Variants in CRBN observed in about 807,000 individuals in gnomAD.
CRBN encodes the protein protein cereblon.
Under a neutral mutation model 62.2 loss-of-function variants are expected in CRBN, and 53 were observed. The ratio of observed to expected loss-of-function variants is 0.85; its 90% confidence interval spans 0.68 to 1.07. The LOEUF (loss-of-function observed/expected upper bound fraction) is 1.07. CRBN is among the 50% of genes least tolerant of loss of function. The pLI is 0.00. For missense variants in CRBN, 616 were observed against 531.1 expected (o/e 1.16, Z -1.57); for synonymous variants, 208 against 176.1 (o/e 1.18, Z -1.43).
intron 5 of CRBN, 30 bp downstream of exon 5, chr3:3,167,604 T>G: frequency 6.2e-7 from 1 of 1,602,764 alleles, no homozygotes; most frequent in Non-Finnish European, 8.5e-7. Flanking sequence ...TCTTCATTTT[T>G]TGAAGATGCA....
rs145695200 is a variant in CRBN at position 3,174,088 on chromosome 3, T to C, written c.348A>G (p.Lys116=). The C allele has an allele frequency of 1.2e-6, 2 of 1,614,166 alleles. No homozygotes were observed. Among genetic ancestry groups the C allele is most frequent in the African/African-American group, 1.3e-5 (1 of 75,050 alleles). ...EVSMVRNLIQ[K]DRTFAVLAYS... ...ATGCAAGAACAGCAAAGGTTCTATC[T>C]TTCTGAATTAAATTCCGCACCATAC... Residue 116 remains lysine (K), a synonymous_variant, in exon 3 of 11, where the codon AAA becomes AAG. Transcript: ENST00000231948.
rs555928679 is a variant in CRBN at position 3,156,045 on chromosome 3, C to T, written c.750+174G>A. The T allele has an allele frequency of 7.0e-5, 43 of 610,142 alleles. 1 individual carries two copies. In the South Asian group the frequency reaches 7.5e-4, roughly 11 times the overall value. 37.8% of individuals were successfully genotyped at this position (610,142 alleles called of 1,614,324 possible). ...TCTTGAATGCCTGGCTTCAAGCAAT[C>T]CCCCTGCCTTGGCCTCCCAAAGTGC... On this transcript the variant is annotated intron_variant, in intron 6 of 10. Transcript: ENST00000231948.
At position 3,152,539 on chromosome 3, in the gene CRBN, A is replaced by G. The variant is rs1486415725; in HGVS notation, c.1065T>C (p.Tyr355=). The G allele has an allele frequency of 1.2e-6, 2 of 1,614,136 alleles. No individual in the cohort carries two copies. Among genetic ancestry groups the G allele is most frequent in the Non-Finnish European group, 1.7e-6 (2 of 1,180,002 alleles). ...TATACACAGTAAGTGTCTCATGCAC[A>G]TATCCATGAGGATTCACATAAGCTG... The part of the protein sequence containing the change: ...PMAAYVNPHG[Y]VHETLTVYKA... Residue 355 remains tyrosine, a synonymous_variant, in exon 10 of 11, where the codon TAT becomes TAC. Coordinates refer to ENST00000231948, the MANE Select transcript of CRBN (RefSeq NM_016302.4).
At position 3,150,336 on chromosome 3, in the gene CRBN, TAAAG is replaced by T. The variant is rs989929414; in HGVS notation, c.*525_*528del. The T allele has an allele frequency of 2.0e-5, 3 of 152,328 alleles. No homozygotes were observed. Among genetic ancestry groups the T allele is most frequent in the Non-Finnish European group, 2.9e-5 (2 of 68,190 alleles). 9.4% of individuals were successfully genotyped at this position (152,328 alleles called of 1,614,324 possible). ...TTACAAATCAGTATCTCAGAGAAGTTAAAGAAAATGGAAAGGAACAAAGCCCTTT... is the reference window on the plus strand; with the variant it reads ...TTACAAATCAGTATCTCAGAGAAGTTAAAATGGAAAGGAACAAAGCCCTTT... On this transcript the variant is annotated 3_prime_UTR_variant, in exon 11 of 11. Coordinates refer to ENST00000231948, the MANE Select transcript of CRBN (RefSeq NM_016302.4).
intron 5 of CRBN, among the ~76,000 whole-genome samples, chr3:3,162,807 A>G (rs1028716270): frequency 1.3e-5 from 2 of 152,230 alleles, no homozygotes; most frequent in Admixed American, 6.5e-5. Context: ...TCAGACACAG[A>G]GACAGAAGAC....
intron 5 of CRBN, among the ~76,000 whole-genome samples, chr3:3,157,217 CATCA>C (rs1559245505): frequency 6.6e-6 from 1 of 152,162 alleles, no homozygotes; most frequent in Non-Finnish European, 1.5e-5. Flanking sequence ...ACAACCTAAA[CATCA>C]ATCAAAAATA....
chr3:3,152,169 TAGAC>T (rs1218900023), intron 10 of CRBN, among the ~76,000 whole-genome samples: 130 of 108,860 alleles, frequency 1.2e-3, no homozygotes, highest in Admixed American at 2.0e-3. Context: ...TTTTTTTAAA[TAGAC>T]AGATTCTCAC....
chr3:3,176,989 G>A (rs1707848770), intron 1 of CRBN, among the ~76,000 whole-genome samples: 1 of 152,124 alleles, frequency 6.6e-6, no homozygotes, highest in African/African-American at 2.4e-5. Context: ...CTCAACCACA[G>A]GTGATTTTGC....
chr3:3,151,162 G>GTTGA, intron 10 of CRBN, 117 bp from the exon 11 acceptor site: 1 of 1,105,986 alleles, frequency 9.0e-7, no homozygotes, highest in Non-Finnish European at 1.3e-6. Flanking sequence ...GAGATTCTAA[G>GTTGA]TTGAGATTTG....
intron 4 of CRBN, among the ~76,000 whole-genome samples, chr3:3,169,936 C>G (rs711614): frequency 0.47 from 71,276 of 151,516 alleles, 18,852 homozygotes; most frequent in Middle Eastern, 0.65. Context: ...GCCCACCCCC[C>G]CTCCGCCCTC....
intron 5 of CRBN, among the ~76,000 whole-genome samples, chr3:3,162,443 A>G (rs1251176472): frequency 8.5e-5 from 13 of 152,178 alleles, no homozygotes; most frequent in Non-Finnish European, 2.9e-5. Context: ...TTCCAGAACA[A>G]GAAATGTCTC....
intron 5 of CRBN, 117 bp from the exon 6 acceptor site, chr3:3,156,398 T>TA: frequency 1.1e-6 from 1 of 884,240 alleles, no homozygotes; most frequent in Non-Finnish European, 1.8e-6. Flanking sequence ...TTTAAAAAGA[T>TA]AAAAAATTTT....
At position 3,167,734 on chromosome 3, in the gene CRBN, G is replaced by C. The variant is rs779364970; in HGVS notation, c.587C>G (p.Ala196Gly). The change falls in exon 5 of 11, where the codon GCA (alanine) becomes GGA (glycine). Residue 196 changes from alanine (A) to glycine (G), a missense_variant. Transcript: ENST00000231948. ...PECVLPSTMS[A>G]VQLESLNKCQ... is the part of the protein sequence containing the mutation. ...CTTATTGAGGGATTCTAATTGAACT[G>C]CAGACATGGTTGAAGGCAACACACA... The C allele has an allele frequency of 1.2e-6, 2 of 1,613,566 alleles. No homozygotes were observed.
intron 1 of CRBN, among the ~76,000 whole-genome samples, chr3:3,176,032 T>C (rs1306629114): frequency 6.6e-6 from 1 of 152,154 alleles, no homozygotes; most frequent in Non-Finnish European, 1.5e-5. Flanking sequence ...AAAGTTCCTT[T>C]CCCCCCTCCT....
chr3:3,170,625 A>G (rs1707568653), intron 4 of CRBN, among the ~76,000 whole-genome samples: 1 of 152,202 alleles, frequency 6.6e-6, no homozygotes, highest in South Asian at 2.1e-4. Flanking sequence ...TCATTTCACC[A>G]TTTCCAGTGA....
downstream of CRBN, chr3:3,149,999 A>C (rs996884266): frequency 2.6e-5 from 4 of 152,202 alleles, no homozygotes; most frequent in Non-Finnish European, 5.9e-5. Context: ...CATTATTTGA[A>C]CAAAGAACAT....
chr3:3,176,037 C>G (rs543619779), intron 1 of CRBN, among the ~76,000 whole-genome samples: 1 of 152,276 alleles, frequency 6.6e-6, no homozygotes, highest in Admixed American at 6.5e-5. Flanking sequence ...TCCTTTCCCC[C>G]CTCCTTTTCA....
chr3:3,154,588 CATTTT>C (rs1430892154), intron 7 of CRBN, 154 bp downstream of exon 7: 16 of 481,654 alleles, frequency 3.3e-5, no homozygotes, highest in Middle Eastern at 2.9e-4. Context: ...TTAAAATACT[CATTTT>C]TTTTCAACTG....
chr3:3,154,237 CT>C (rs566581835), intron 7 of CRBN, 162 bp from the exon 8 acceptor site: 2 of 611,028 alleles, frequency 3.3e-6, no homozygotes, highest in Non-Finnish European at 5.8e-6. Context: ...CAAAGATACA[CT>C]TTTCAGAAGC....
Sources: allele counts gnomAD v4.1 joint callset (sites outside exome capture counted in the v4.1 genomes callset), GRCh38; gene constraint gnomAD v4.1.1; transcripts MANE v1.5; gene names NCBI Gene and HGNC (gene_info 2026-07-23, HGNC 2026-07-21).